DLG2: variants seen among roughly 807,000 people sequenced by gnomAD.
DLG2 encodes the protein discs large MAGUK scaffold protein 2, also known as disks large homolog 2.
DLG2 carries 45 observed loss-of-function variants against 132.5 expected under a neutral mutation model. The observed-to-expected ratio is 0.34, with a 90% CI of 0.27 to 0.44. The LOEUF (loss-of-function observed/expected upper bound fraction) is 0.44, where lower values mean the gene tolerates loss of function less well. Among genes scored for constraint, DLG2 ranks in the 20% least tolerant of loss-of-function variants. The pLI, the probability that DLG2 is intolerant of heterozygous loss-of-function variation, is 1.00. For missense variants in DLG2, 1,045 were observed against 1,196.9 expected (o/e 0.87, Z 1.87); for synonymous variants, 424 against 419.6 (o/e 1.01, Z -0.13).
At chr11:84,625,215 A>G (rs1193762176) in intron 6 of DLG2, among the ~76,000 whole-genome samples, 2 of 152,038 alleles carry the variant, frequency 1.3e-5, no homozygotes, top group African/African-American at 2.4e-5. Context: ...AGAATGAAAC[A>G]TCTAAAATTT....
chr11:84,803,018 T>C (rs1434782129), intron 6 of DLG2, among the ~76,000 whole-genome samples: 1 of 152,108 alleles, frequency 6.6e-6, no homozygotes, highest in Non-Finnish European at 1.5e-5. Context: ...CAGGATTGCC[T>C]CAATCTCCTG....
intron 18 of DLG2, among the ~76,000 whole-genome samples, chr11:83,677,953 ATGCT>A (rs1335553558): frequency 6.6e-6 from 1 of 152,182 alleles, no homozygotes; most frequent in Non-Finnish European, 1.5e-5. Context: ...TTCCACTTGG[ATGCT>A]TCAGGCAGCT....
chr11:83,662,203 G>T (rs1441917672), intron 18 of DLG2, among the ~76,000 whole-genome samples: 6 of 152,142 alleles, frequency 3.9e-5, no homozygotes, highest in Non-Finnish European at 8.8e-5. Context: ...AAGGGCATCT[G>T]CAGTGCTCAA....
chr11:85,098,003 G>T (rs2070182575), intron 6 of DLG2, among the ~76,000 whole-genome samples: 1 of 152,188 alleles, frequency 6.6e-6, no homozygotes, highest in South Asian at 2.1e-4. Flanking sequence ...TTAAAAATAA[G>T]CTCTCAGAAT....
chr11:83,941,542 C>T (rs183733563), intron 14 of DLG2, among the ~76,000 whole-genome samples: 11,596 of 151,782 alleles, frequency 0.076, 595 homozygotes, highest in Non-Finnish European at 0.11. Flanking sequence ...ATTACAGGTG[C>T]GTGCCCTCAT....
intron 22 of DLG2, among the ~76,000 whole-genome samples, chr11:83,479,101 T>G (rs2092876847): frequency 6.6e-6 from 1 of 152,074 alleles, no homozygotes; most frequent in South Asian, 2.1e-4. Flanking sequence ...AATAAAACTT[T>G]CATCAATAAG....
chr11:83,545,760 C>T (rs1238909166), intron 19 of DLG2, among the ~76,000 whole-genome samples: 2 of 152,038 alleles, frequency 1.3e-5, no homozygotes, highest in African/African-American at 2.4e-5. Context: ...TCCACGAGCT[C>T]TATTGATCTT....
rs574989186 is a variant in DLG2 at position 83,653,999 on chromosome 11, C to T, written c.1826-20674G>A. Among the ~76,000 whole-genome samples the T allele has an allele frequency of 5.3e-5, 8 of 152,284 alleles. No homozygotes were observed. The South Asian group carries it at 1.7e-3, about 32-fold the overall frequency. ...CCTCCCAAAGTGCTGGGATCACAGG[C>T]ATGAGCCACCGCGCCTGGCCAAGAA... On this transcript the variant is annotated intron_variant, in intron 18 of 27. Coordinates refer to ENST00000376104, the MANE Select transcript of DLG2 (RefSeq NM_001142699.3).
intron 7 of DLG2, among the ~76,000 whole-genome samples, chr11:84,318,884 T>C (rs968362789): frequency 6.6e-6 from 1 of 152,160 alleles, no homozygotes; most frequent in African/African-American, 2.4e-5. Flanking sequence ...ATACATATGT[T>C]TGACGGATGA....
chr11:84,578,822 A>T (rs2099509545), intron 6 of DLG2, among the ~76,000 whole-genome samples: 1 of 152,122 alleles, frequency 6.6e-6, no homozygotes, highest in African/African-American at 2.4e-5. Context: ...GTAGAATGAT[A>T]TGGCTTGGCT....
intron 8 of DLG2, among the ~76,000 whole-genome samples, chr11:84,191,949 A>G (rs190901984): frequency 2.1e-5 from 3 of 146,142 alleles, no homozygotes; most frequent in African/African-American, 7.5e-5. Context: ...AACATTTTGG[A>G]ATTTCCCCTG....
rs555845253 is a variant in DLG2, at chr11:84,014,948, G to A, written c.920-34306C>T. ...CTTGTTCTGGAAAGTCCCCTTCCTC[G>A]GTTTACCCATTTGAATACATACGTA... On this transcript the variant is annotated intron_variant, in intron 11 of 27. Coordinates refer to ENST00000376104, the MANE Select transcript of DLG2 (RefSeq NM_001142699.3). 5.9e-5 allele frequency among the ~76,000 whole-genome samples: 9 copies of A among 151,448 alleles called. No individual in the cohort carries two copies. In the South Asian group the frequency reaches 8.3e-4, roughly 14 times the overall value.
chr11:84,641,938 CAT>C (rs1265370865), intron 6 of DLG2, among the ~76,000 whole-genome samples: 3 of 150,796 alleles, frequency 2.0e-5, no homozygotes, highest in Non-Finnish European at 3.0e-5. Flanking sequence ...CACACACACA[CAT>C]ACACACATCC....
At chr11:83,697,752 T>G (rs187879128) in intron 18 of DLG2, among the ~76,000 whole-genome samples, 1 of 152,036 alleles carries the variant, frequency 6.6e-6, no homozygotes, top group Non-Finnish European at 1.5e-5. Flanking sequence ...TTTAATAAAA[T>G]TAAAGGTGCT....
chr11:85,483,880 G>T (rs2093357566), intron 3 of DLG2, among the ~76,000 whole-genome samples: 1 of 146,408 alleles, frequency 6.8e-6, no homozygotes, highest in Non-Finnish European at 1.5e-5. Flanking sequence ...GGATGCAGAG[G>T]TTGCAGTGAG....
At chr11:83,905,188 G>T (rs12271843) in intron 15 of DLG2, among the ~76,000 whole-genome samples, 14,684 of 152,162 alleles carry the variant, frequency 0.097, 841 homozygotes, top group Middle Eastern at 0.2. Context: ...TCCTCACATT[G>T]ATCCTATTGG....
intron 6 of DLG2, among the ~76,000 whole-genome samples, chr11:84,939,859 T>A (rs1217964032): frequency 6.6e-6 from 1 of 152,246 alleles, no homozygotes; most frequent in Non-Finnish European, 1.5e-5. Flanking sequence ...AAATCTTGGC[T>A]ATTGTGAATA....
chr11:84,103,618 C>G (rs1595337001), intron 9 of DLG2, among the ~76,000 whole-genome samples: 2 of 152,194 alleles, frequency 1.3e-5, no homozygotes, highest in Middle Eastern at 6.8e-3. Context: ...TTCATATTTG[C>G]TGACTCTTCC....
intron 6 of DLG2, among the ~76,000 whole-genome samples, chr11:84,652,985 G>A (rs1268831369): frequency 6.6e-6 from 1 of 150,518 alleles, no homozygotes; most frequent in Non-Finnish European, 1.5e-5. Context: ...AGGCTAGAGT[G>A]CAGTGGCGTG....
Sources: allele counts gnomAD v4.1 joint callset (sites outside exome capture counted in the v4.1 genomes callset), GRCh38; gene constraint gnomAD v4.1.1; transcripts MANE v1.5; gene names NCBI Gene and HGNC (gene_info 2026-07-23, HGNC 2026-07-21).